ADGRL3: variants seen among roughly 807,000 people sequenced by gnomAD.
The protein encoded by ADGRL3 is calcium-independent alpha-latrotoxin receptor 3.
In ADGRL3, 62 loss-of-function variants were observed where a neutral mutation model predicts 153.5. The ratio of observed to expected loss-of-function variants is 0.40; its 90% CI spans 0.33 to 0.50. The LOEUF (loss-of-function observed/expected upper bound fraction) is 0.50. Among genes scored for constraint, ADGRL3 ranks in the 20% least tolerant of loss-of-function variants. The probability of loss-of-function intolerance (pLI) is 0.47; values close to 1 mark genes in which losing one functional copy is unlikely to be tolerated. For synonymous variants in ADGRL3, 710 were observed against 672.5 expected, an observed-to-expected ratio of 1.06 and a Z score of -0.86; for missense variants, 1,641 against 1,859.4, an observed-to-expected ratio of 0.88 and a Z score of 2.16.
At chr4:61,515,061 GTTTTAATAATTATCCTAAACAGA>G (rs1352163046) in intron 3 of ADGRL3, among the ~76,000 whole-genome samples, 1 of 152,082 alleles carries the variant, frequency 6.6e-6, no homozygotes, top group Non-Finnish European at 1.5e-5. Context: ...CCTCCCAAGA[GTTTTAATAATTATCCTAAACAGA>G]TTGTCTTAAA....
intron 1 of ADGRL3, among the ~76,000 whole-genome samples, chr4:61,335,549 A>AT (rs1334610770): frequency 1.3e-5 from 2 of 152,156 alleles, no homozygotes; most frequent in South Asian, 4.1e-4. Flanking sequence ...CAAAAGCTTC[A>AT]TTTTTTAAGA....
In ADGRL3 at chr4:61,909,771, G is replaced by A. The variant is rs895921655; in HGVS notation, c.2073+26G>A. 5.9e-3 allele frequency: 6,794 copies of A among 1,160,628 alleles called. 302 individuals carry two copies. Among genetic ancestry groups the A allele is most frequent in the South Asian group, 7.1e-3 (412 of 58,212 alleles). The allele number at this position is 1,160,628 out of a possible 1,614,324, so 71.9% of individuals were successfully genotyped here. On this transcript the variant is annotated intron_variant, in intron 12 of 26. Coordinates refer to ENST00000683033, the MANE Select transcript of ADGRL3 (RefSeq NM_001387552.1). Reference sequence around the variant, plus strand: ...GTAAGGACCCTAATTATGTGTGTGTGTGTGTGTGTGTGTGTGTGTGTGTGT... The same window carrying A: ...GTAAGGACCCTAATTATGTGTGTGTATGTGTGTGTGTGTGTGTGTGTGTGT...
intron 1 of ADGRL3, among the ~76,000 whole-genome samples, chr4:61,357,364 T>C (rs115378975): frequency 0.021 from 3,178 of 152,224 alleles, 55 homozygotes; most frequent in Non-Finnish European, 0.034. Flanking sequence ...TGTAGGATAA[T>C]AGTAGAGCAT....
intron 5 of ADGRL3, among the ~76,000 whole-genome samples, chr4:61,612,232 T>C (rs2091451195): frequency 6.6e-6 from 1 of 152,182 alleles, no homozygotes; most frequent in Admixed American, 6.5e-5. Context: ...ATTCTTGGCA[T>C]GATTTTGATA....
At chr4:61,362,365 C>T (rs1294697221) in intron 1 of ADGRL3, among the ~76,000 whole-genome samples, 1 of 150,820 alleles carries the variant, frequency 6.6e-6, no homozygotes, top group East Asian at 1.9e-4. Context: ...CACATATATA[C>T]ACTTGACCCT....
intron 9 of ADGRL3, among the ~76,000 whole-genome samples, chr4:61,840,773 G>A (rs1314363712): frequency 6.6e-6 from 1 of 152,158 alleles, no homozygotes; most frequent in African/African-American, 2.4e-5. Flanking sequence ...GAACTGGGAA[G>A]AGAAAAAGGT....
intron 5 of ADGRL3, among the ~76,000 whole-genome samples, chr4:61,615,567 G>A (rs2091904567): frequency 7.9e-6 from 1 of 126,306 alleles, no homozygotes; most frequent in African/African-American, 2.9e-5. Flanking sequence ...TTATACGTCG[G>A]TTGGAATATT....
chr4:61,491,212 C>T (rs1375184115), intron 2 of ADGRL3, among the ~76,000 whole-genome samples: 1 of 152,044 alleles, frequency 6.6e-6, no homozygotes, highest in African/African-American at 2.4e-5. Context: ...TGAGAGATGT[C>T]CTCTGTCACT....
chr4:61,805,934 C>G (rs1169489829), intron 8 of ADGRL3, among the ~76,000 whole-genome samples: 1 of 152,138 alleles, frequency 6.6e-6, no homozygotes, highest in African/African-American at 2.4e-5. Context: ...TGCAACACTT[C>G]TCAATTAAAC....
intron 9 of ADGRL3, among the ~76,000 whole-genome samples, chr4:61,877,126 G>C (rs1200408925): frequency 1.3e-5 from 2 of 152,132 alleles, no homozygotes; most frequent in Non-Finnish European, 2.9e-5. Context: ...AGTTTTTAAA[G>C]TGAGAGAACA....
chr4:61,627,667 A>T (rs1158787487), intron 5 of ADGRL3, among the ~76,000 whole-genome samples: 1 of 152,064 alleles, frequency 6.6e-6, no homozygotes, highest in Non-Finnish European at 1.5e-5. Context: ...AAAAAAGTAA[A>T]TAGTGCCTTT....
chr4:62,051,940 A>G (rs1734426377), intron 25 of ADGRL3, among the ~76,000 whole-genome samples: 4 of 151,722 alleles, frequency 2.6e-5, no homozygotes, highest in Admixed American at 2.6e-4. Flanking sequence ...GAAGATTCCA[A>G]CTTAGGAGTT....
chr4:61,872,608 A>G (rs1207279720), intron 9 of ADGRL3, among the ~76,000 whole-genome samples: 1 of 151,094 alleles, frequency 6.6e-6, no homozygotes, highest in African/African-American at 2.4e-5. Context: ...TCAGACATTT[A>G]CTTATTCAGT....
At chr4:61,257,360 G>A (rs1196927405) in intron 1 of ADGRL3, among the ~76,000 whole-genome samples, 1 of 152,114 alleles carries the variant, frequency 6.6e-6, no homozygotes, top group Non-Finnish European at 1.5e-5. Flanking sequence ...AGAGAAGAAA[G>A]AAGACAATTA....
In ADGRL3 at chr4:61,842,088, A is replaced by G. The variant is rs2098041533; in HGVS notation, c.1480+28199A>G. On this transcript the variant is annotated intron_variant, in intron 9 of 26. Coordinates refer to ENST00000683033, the MANE Select transcript of ADGRL3 (RefSeq NM_001387552.1). ...TTTTTTAAATGTACAACAGAATTTCATAACACAGAGATGTTAAAAAGGCAC... is the reference window on the plus strand; with the variant it reads ...TTTTTTAAATGTACAACAGAATTTCGTAACACAGAGATGTTAAAAAGGCAC... 2.0e-5 allele frequency among the ~76,000 whole-genome samples: 3 copies of G among 152,358 alleles called. No individual in the cohort carries two copies. The South Asian group carries it at 6.2e-4, about 32-fold the overall frequency.
intron 1 of ADGRL3, among the ~76,000 whole-genome samples, chr4:61,373,142 G>A (rs1230620719): frequency 6.6e-6 from 1 of 152,156 alleles, no homozygotes; most frequent in Non-Finnish European, 1.5e-5. Context: ...ACTCCCTAGT[G>A]AGATGAACCC....
At chr4:61,481,558 A>G (rs1262595172) in intron 2 of ADGRL3, among the ~76,000 whole-genome samples, 1 of 152,140 alleles carries the variant, frequency 6.6e-6, no homozygotes, top group Admixed American at 6.5e-5. Flanking sequence ...AAATAAAATT[A>G]ATCCATGGAA....
chr4:61,496,899 C>A (rs1168255664), intron 2 of ADGRL3, among the ~76,000 whole-genome samples: 1 of 151,162 alleles, frequency 6.6e-6, no homozygotes, highest in Non-Finnish European at 1.5e-5. Flanking sequence ...CGAGATCGCG[C>A]CACTGCACTC....
intron 1 of ADGRL3, among the ~76,000 whole-genome samples, chr4:61,317,231 T>A (rs914627323): frequency 1.1e-4 from 16 of 152,206 alleles, no homozygotes; most frequent in African/African-American, 3.4e-4. Flanking sequence ...ATTAATACAT[T>A]TCTTAGAACT....
Sources: allele counts gnomAD v4.1 joint callset (sites outside exome capture counted in the v4.1 genomes callset), GRCh38; gene constraint gnomAD v4.1.1; transcripts MANE v1.5; gene names NCBI Gene and HGNC (gene_info 2026-07-23, HGNC 2026-07-21).